Variants in DMXL1 observed in about 807,000 individuals in gnomAD.
DMXL1 encodes the protein dmX-like protein 1.
A neutral mutation model predicts 319.2 loss-of-function variants in DMXL1; 99 were observed. That is an observed-to-expected ratio of 0.31 (90% confidence interval 0.26 to 0.37). The LOEUF (loss-of-function observed/expected upper bound fraction) is 0.37. DMXL1 is among the 10% of genes least tolerant of loss of function. DMXL1 has a pLI of 1.00. For synonymous variants in DMXL1, 1,385 were observed against 1,235.2 expected (o/e 1.12, Z -2.54); for missense variants, 3,745 against 3,595.6 (o/e 1.04, Z -1.06).
chr5:119,203,846 A>T (rs2150462708), intron 33 of DMXL1, among the ~76,000 whole-genome samples: 1 of 152,008 alleles, frequency 6.6e-6, no homozygotes, highest in South Asian at 2.1e-4. Context: ...TTGGAGATGG[A>T]GTCTTGTTCT....
Position 119,175,310 on chromosome 5 carries a change from A to G in DMXL1, c.6731A>G (p.Gln2244Arg). 6.2e-7 allele frequency: 1 copy of G among 1,611,934 alleles called. No homozygotes were observed. Among genetic ancestry groups the G allele is most frequent in the South Asian group, 1.1e-5 (1 of 90,984 alleles). Residue 2244 changes from glutamine to arginine, a missense_variant, in exon 26 of 44, where the codon CAG becomes CGG. Coordinates refer to ENST00000539542, the MANE Select transcript of DMXL1 (RefSeq NM_001290321.3). ...GCTTCACTTTCTGCTTGTATTTATC[A>G]GTGCCTTTGTGGTAGTCATAACTAC... ...LAASLSACIY[Q>R]CLCGSHNYSS...
At chr5:119,125,424 T>C (rs1435674783) in intron 9 of DMXL1, among the ~76,000 whole-genome samples, 2 of 152,182 alleles carry the variant, frequency 1.3e-5, no homozygotes, top group Admixed American at 1.3e-4. Context: ...ATAAGAAAGG[T>C]GCTATATTCT....
Position 119,113,521 on chromosome 5 carries a change from G to A in DMXL1, c.498-954G>A, listed in dbSNP as rs533553845. 5.9e-5 allele frequency among the ~76,000 whole-genome samples: 9 copies of A among 152,324 alleles called. No individual in the cohort carries two copies. The South Asian group carries it at 8.3e-4, about 14-fold the overall frequency. On this transcript the variant is annotated intron_variant, in intron 5 of 43. Transcript: ENST00000539542. ...CTCCCAAGGTGCTGGGATTACAGGC[G>A]TGAGCCACTGTGCCCAGCCCATGAC...
intron 10 of DMXL1, among the ~76,000 whole-genome samples, chr5:119,130,470 G>A (rs949648257): frequency 1.3e-5 from 2 of 152,014 alleles, no homozygotes; most frequent in African/African-American, 2.4e-5. Context: ...AGCCTCCCGA[G>A]TAGCTAGGAT....
At chr5:119,143,030 A>C (rs977797632) in intron 13 of DMXL1, among the ~76,000 whole-genome samples, 2 of 151,908 alleles carry the variant, frequency 1.3e-5, no homozygotes, top group Non-Finnish European at 2.9e-5. Flanking sequence ...AATAATGAGA[A>C]CTCATGAACC....
intron 10 of DMXL1, among the ~76,000 whole-genome samples, chr5:119,130,973 T>A (rs1384016557): frequency 2.6e-5 from 4 of 152,022 alleles, no homozygotes; most frequent in African/African-American, 9.7e-5. Flanking sequence ...CTTTACATCC[T>A]TATCAACATT....
At chr5:119,110,416 T>G in intron 5 of DMXL1, 133 bp downstream of exon 5, 3 of 722,592 alleles carry the variant, frequency 4.2e-6, no homozygotes, top group Non-Finnish European at 6.2e-6. Context: ...TGCTTTTTCT[T>G]ATACACAGAT....
chr5:119,215,941 C>G (rs1783605942), intron 34 of DMXL1, among the ~76,000 whole-genome samples: 1 of 151,484 alleles, frequency 6.6e-6, no homozygotes, highest in South Asian at 2.1e-4. Context: ...ACTAAAAATA[C>G]AAAACTTAGC....
intron 28 of DMXL1, among the ~76,000 whole-genome samples, chr5:119,187,027 A>G (rs993599618): frequency 6.6e-6 from 1 of 152,180 alleles, no homozygotes; most frequent in Non-Finnish European, 1.5e-5. Context: ...ATACTTATGT[A>G]ACAAACCTGC....
chr5:119,173,120 C>T (rs988520696), intron 25 of DMXL1, among the ~76,000 whole-genome samples: 2 of 152,096 alleles, frequency 1.3e-5, no homozygotes, highest in African/African-American at 4.8e-5. Flanking sequence ...AGGCAGATCA[C>T]CTGAGGCCAG....
At chr5:119,194,138 C>A (rs1029419454) in intron 30 of DMXL1, among the ~76,000 whole-genome samples, 168 bp downstream of exon 30, 2 of 152,076 alleles carry the variant, frequency 1.3e-5, no homozygotes, top group African/African-American at 4.8e-5. Context: ...AATAATTTCT[C>A]TGTTGACTTT....
chr5:119,241,032 T>C (rs962484230), intron 42 of DMXL1, among the ~76,000 whole-genome samples: 1 of 152,178 alleles, frequency 6.6e-6, no homozygotes, highest in African/African-American at 2.4e-5. Flanking sequence ...AAAATCATAA[T>C]TTTTTATTCC....
chr5:119,173,776 G>GTGTATTTATATATATATATATATA, intron 25 of DMXL1, among the ~76,000 whole-genome samples: 13 of 67,170 alleles, frequency 1.9e-4, no homozygotes, highest in Non-Finnish European at 2.9e-5. Flanking sequence ...ATGTGTGTGT[G>GTGTATTTATATATATATATATATA]TATATATATA....
At chr5:119,090,359 G>T (rs1754485275) in intron 1 of DMXL1, among the ~76,000 whole-genome samples, 1 of 151,666 alleles carries the variant, frequency 6.6e-6, no homozygotes. Flanking sequence ...TCTGTTTGGG[G>T]TTTTTTGGCC....
At chr5:119,128,572 A>T (rs541799631) in intron 9 of DMXL1, 11 of 155,242 alleles carry the variant, frequency 7.1e-5, no homozygotes, top group African/African-American at 2.7e-4. Flanking sequence ...GTACAACACC[A>T]AGAATGAACC....
At chr5:119,071,776 C>T (rs1749634854) in intron 1 of DMXL1, 120 bp downstream of exon 1, 2 of 844,780 alleles carry the variant, frequency 2.4e-6, no homozygotes, top group South Asian at 1.8e-5. Flanking sequence ...GGGGTCCTTA[C>T]CACCCAGAAC....
rs754776576 is a variant in DMXL1, at chr5:119,247,254, T to C, written c.*35T>C. ...AATAAGATGTACAATTTATTACCTA[T>C]ATGGAAGTGGCCAACAGATATAATA... On this transcript the variant is annotated 3_prime_UTR_variant, in exon 44 of 44. Coordinates refer to ENST00000539542, the MANE Select transcript of DMXL1 (RefSeq NM_001290321.3). The C allele has an allele frequency of 6.8e-7, 1 of 1,472,908 alleles. No homozygotes were observed. The highest frequency in any genetic ancestry group is 9.4e-7 in the Non-Finnish European group (1 of 1,062,382). The allele number at this position is 1,472,908 out of a possible 1,614,324, so 91.2% of individuals were successfully genotyped here. A position where few individuals can be genotyped will look rare whatever the true frequency, so the allele number is the denominator to read the frequency against.
intron 3 of DMXL1, among the ~76,000 whole-genome samples, chr5:119,103,579 G>A (rs1027729475): frequency 1.3e-5 from 2 of 152,098 alleles, no homozygotes; most frequent in African/African-American, 4.8e-5. Flanking sequence ...ACTATTTTCT[G>A]AGTTAATTGA....
intron 1 of DMXL1, among the ~76,000 whole-genome samples, chr5:119,079,554 T>C (rs1257090353): frequency 1.3e-5 from 2 of 152,260 alleles, no homozygotes. Flanking sequence ...GTTGCCACTT[T>C]TATGTCCTGC....
Sources: allele counts gnomAD v4.1 joint callset (sites outside exome capture counted in the v4.1 genomes callset), GRCh38; gene constraint gnomAD v4.1.1; transcripts MANE v1.5; gene names NCBI Gene and HGNC (gene_info 2026-07-23, HGNC 2026-07-21).